The following MAP1B variants were observed in gnomAD, a reference collection of about 807,000 sequenced individuals.
The protein encoded by MAP1B is microtubule-associated protein 1B.
Under a neutral mutation model 176.1 loss-of-function variants are expected in MAP1B, and 12 were observed. That is an observed-to-expected ratio of 0.07 (90% CI 0.04 to 0.11). MAP1B has a LOEUF of 0.11. MAP1B is among the 10% of genes least tolerant of loss of function. The pLI is 1.00. For missense variants in MAP1B, 2,523 were observed against 2,990.5 expected (o/e 0.84, Z 3.65); for synonymous variants, 1,044 against 1,135.0 (o/e 0.92, Z 1.61).
Position 72,196,377 on chromosome 5 carries a change from ATTGAGAAAGGAGAGG to A in MAP1B, c.3023_3037del (p.Ile1008_Ala1013delinsThr). 1 of 1,614,136 alleles carries A rather than the reference ATTGAGAAAGGAGAGG, an allele frequency of 6.2e-7. No homozygotes were observed. Among genetic ancestry groups the A allele is most frequent in the Non-Finnish European group, 8.5e-7 (1 of 1,180,036 alleles). On this transcript the variant is annotated inframe_deletion, in exon 5 of 7. Coordinates refer to ENST00000296755, the MANE Select transcript of MAP1B (RefSeq NM_005909.5). The surrounding 1 kb of genome is among the most constrained non-coding windows in gnomAD (Gnocchi z 5.3). ...AGCCGAAGAAGACATGGATGAGGCCATTGAGAAAGGAGAGGCTGAACAATCTGAAGAGGAGGCTGA... is the reference window on the plus strand; with the variant it reads ...AGCCGAAGAAGACATGGATGAGGCCACTGAACAATCTGAAGAGGAGGCTGA...
intron 2 of MAP1B, among the ~76,000 whole-genome samples, chr5:72,180,920 C>T (rs1024243873): frequency 1.3e-5 from 2 of 152,158 alleles, no homozygotes; most frequent in Non-Finnish European, 2.9e-5. Context: ...CAGTAACCAA[C>T]CCCATAGGGC....
At chr5:72,118,460 G>A (rs1410205175) in intron 2 of MAP1B, among the ~76,000 whole-genome samples, 1 of 152,152 alleles carries the variant, frequency 6.6e-6, no homozygotes, top group Non-Finnish European at 1.5e-5. Context: ...CTTGGTGAGT[G>A]AGGACACTGT....
At chr5:72,143,156 A>G (rs1404919221) in intron 2 of MAP1B, among the ~76,000 whole-genome samples, 2 of 152,194 alleles carry the variant, frequency 1.3e-5, no homozygotes, top group Non-Finnish European at 2.9e-5. Flanking sequence ...TGCACGTATC[A>G]TAGAGAAGCT....
At chr5:72,203,257 C>T (rs1747370321) in intron 5 of MAP1B, among the ~76,000 whole-genome samples, 1 of 152,142 alleles carries the variant, frequency 6.6e-6, no homozygotes, top group Non-Finnish European at 1.5e-5. Flanking sequence ...ATATCTAGTG[C>T]CATCTTGGGA....
At chr5:72,178,769 T>C (rs1005996408) in intron 2 of MAP1B, among the ~76,000 whole-genome samples, 2 of 151,202 alleles carry the variant, frequency 1.3e-5, no homozygotes, top group African/African-American at 4.9e-5. Flanking sequence ...TGTGTGTGTG[T>C]GTAGATGAAT....
chr5:72,126,574 T>A (rs1417810676), intron 2 of MAP1B, among the ~76,000 whole-genome samples: 1 of 152,218 alleles, frequency 6.6e-6, no homozygotes, highest in Non-Finnish European at 1.5e-5. Context: ...AAGGATGGAT[T>A]AAATGATTGC....
chr5:72,131,532 A>G (rs1745732450), intron 2 of MAP1B, among the ~76,000 whole-genome samples: 1 of 152,192 alleles, frequency 6.6e-6, no homozygotes, highest in Non-Finnish European at 1.5e-5. Flanking sequence ...GGATTCCACT[A>G]CTCTGCTCTG....
rs1747398917 is a variant in MAP1B, at chr5:72,204,434, C to T, written c.7251+633C>T. On this transcript the variant is annotated intron_variant, in intron 6 of 6. Coordinates refer to ENST00000296755, the MANE Select transcript of MAP1B (RefSeq NM_005909.5). This position sits in a 1 kb window ranked among gnomAD's most constrained non-coding sequence, Gnocchi z 4.4. ...ATTATTAATTCAGCTGTGATCTTTG[C>T]TTATCAAGTTTTATTTGTGGTTCTG... Among the ~76,000 whole-genome samples, 1 of 152,164 alleles carries T rather than the reference C, an allele frequency of 6.6e-6. No homozygotes were observed. Among genetic ancestry groups the T allele is most frequent in the African/African-American group, 2.4e-5 (1 of 41,434 alleles).
At chr5:72,141,145 C>T (rs1419765741) in intron 2 of MAP1B, among the ~76,000 whole-genome samples, 1 of 152,192 alleles carries the variant, frequency 6.6e-6, no homozygotes, top group Non-Finnish European at 1.5e-5. Flanking sequence ...AACTCTTTTA[C>T]CTCCTGGGGT....
At chr5:72,130,154 C>A (rs1745702579) in intron 2 of MAP1B, among the ~76,000 whole-genome samples, 2 of 145,022 alleles carry the variant, frequency 1.4e-5, no homozygotes, top group Admixed American at 7.0e-5. Context: ...TTTAAAAATC[C>A]CAACTTACAG....
At chr5:72,189,094 C>T (rs775411614) in intron 4 of MAP1B, among the ~76,000 whole-genome samples, 11 of 152,188 alleles carry the variant, frequency 7.2e-5, no homozygotes, top group South Asian at 6.2e-4. Flanking sequence ...CCAGGGAAAC[C>T]AAAACCACAA....
chr5:72,160,406 G>A (rs1455276103), intron 2 of MAP1B, among the ~76,000 whole-genome samples: 6 of 152,174 alleles, frequency 3.9e-5, no homozygotes, highest in Non-Finnish European at 7.4e-5. Context: ...TTAAACAACT[G>A]TGTGACTATT....
intron 2 of MAP1B, among the ~76,000 whole-genome samples, chr5:72,140,496 T>C (rs1448697064): frequency 6.6e-6 from 1 of 152,200 alleles, no homozygotes; most frequent in Non-Finnish European, 1.5e-5. Context: ...TAGAGGTTTT[T>C]GAAGAGGTGC....
Position 72,205,781 on chromosome 5 carries a change from T to C in MAP1B, c.*542T>C, listed in dbSNP as rs1400380760. ...ATTTTCTCAGGCAGTAGGCATTCTTTAGTCTACATAGGCAAAGTTTTCCAT... is the reference window on the plus strand; with the variant it reads ...ATTTTCTCAGGCAGTAGGCATTCTTCAGTCTACATAGGCAAAGTTTTCCAT... On this transcript the variant is annotated 3_prime_UTR_variant, in exon 7 of 7. Transcript: ENST00000296755. 1 of 152,326 alleles carries C rather than the reference T, an allele frequency of 6.6e-6. No individual in the cohort carries two copies. The highest frequency in any genetic ancestry group is 1.5e-5 in the Non-Finnish European group (1 of 68,112). The allele number at this position is 152,326 out of a possible 1,614,324, so 9.4% of individuals were successfully genotyped here. A position where few individuals can be genotyped will look rare whatever the true frequency, so the allele number is the denominator to read the frequency against.
At chr5:72,140,155 G>A (rs1481217886) in intron 2 of MAP1B, among the ~76,000 whole-genome samples, 2 of 152,024 alleles carry the variant, frequency 1.3e-5, no homozygotes, top group African/African-American at 2.4e-5. Flanking sequence ...TAGAGACGAG[G>A]TTTTCCCATG....
At chr5:72,113,084 A>T (rs901752847) in intron 1 of MAP1B, among the ~76,000 whole-genome samples, 1 of 152,218 alleles carries the variant, frequency 6.6e-6, no homozygotes, top group African/African-American at 2.4e-5. Context: ...ACATAAACCT[A>T]CTAAATGCAA....
chr5:72,174,679 T>C (rs570798651), intron 2 of MAP1B, among the ~76,000 whole-genome samples: 1 of 152,296 alleles, frequency 6.6e-6, no homozygotes, highest in South Asian at 2.1e-4. Flanking sequence ...GGGGCATGTG[T>C]ATTTTCCTTT....
At chr5:72,141,212 A>C (rs569048133) in intron 2 of MAP1B, among the ~76,000 whole-genome samples, 1 of 151,352 alleles carries the variant, frequency 6.6e-6, no homozygotes, top group Admixed American at 6.6e-5. Context: ...CTTTCCTCCC[A>C]TTTCTCCTCT....
intron 4 of MAP1B, chr5:72,193,451 T>G (rs969732498): frequency 3.2e-6 from 1 of 315,420 alleles, no homozygotes; most frequent in South Asian, 2.9e-5. Context: ...CGTTTTTTTT[T>G]AAAGGGCATC....
Sources: allele counts gnomAD v4.1 joint callset (sites outside exome capture counted in the v4.1 genomes callset), GRCh38; gene constraint gnomAD v4.1.1; non-coding constraint Gnocchi (gnomAD v3.1); transcripts MANE v1.5; gene names NCBI Gene and HGNC (gene_info 2026-07-23, HGNC 2026-07-21).